Variants in CFAP54 observed in about 807,000 individuals in gnomAD.
CFAP54 encodes the protein cilia- and flagella-associated protein 54.
Under a neutral mutation model 370.4 loss-of-function variants are expected in CFAP54, and 290 were observed. The observed-to-expected ratio is 0.78, with a 90% CI of 0.71 to 0.86. The LOEUF is 0.86. Ranked by LOEUF, CFAP54 falls within the 40% of genes least tolerant of loss-of-function variation. The probability of loss-of-function intolerance (pLI) is 0.00; values close to 1 mark genes in which losing one functional copy is unlikely to be tolerated. For missense variants in CFAP54, 3,399 were observed against 3,528.7 expected, an observed-to-expected ratio of 0.96 and a Z score of 0.93; for synonymous variants, 1,206 against 1,236.5, an observed-to-expected ratio of 0.98 and a Z score of 0.52.
At position 96,580,708 on chromosome 12, in the gene CFAP54, C is replaced by G; in HGVS notation, c.2889+19C>G. On this transcript the variant is annotated intron_variant, in intron 21 of 67. Transcript: ENST00000524981. ...AGAAGCGGTACGTCAAATTAAACAT[C>G]AGGAAATCTTACTGAAGCCTTTAAT... 1 of 1,417,458 alleles carries G rather than the reference C, an allele frequency of 7.1e-7. No individual in the cohort carries two copies. The highest frequency in any genetic ancestry group is 1.3e-5 in the South Asian group (1 of 76,222). The allele number at this position is 1,417,458 out of a possible 1,614,324, so 87.8% of individuals were successfully genotyped here.
intron 58 of CFAP54, among the ~76,000 whole-genome samples, chr12:96,761,366 T>C (rs1958335006): frequency 6.6e-6 from 1 of 152,192 alleles, no homozygotes; most frequent in African/African-American, 2.4e-5. Flanking sequence ...AATATATGTA[T>C]TCTAGATACA....
intron 35 of CFAP54, 46 bp from the exon 36 acceptor site, chr12:96,651,514 GAAAAAGATGAAGTTGTTCAGAGATCTGT>G: frequency 8.2e-7 from 1 of 1,215,832 alleles, no homozygotes; most frequent in Non-Finnish European, 1.2e-6. Context: ...ATAATATTTG[GAAAAAGATGAAGTTGTTCAGAGATCTGT>G]AACTTTTGGA....
At chr12:96,727,505 C>G (rs373321016) in intron 50 of CFAP54, among the ~76,000 whole-genome samples, 32,531 of 138,094 alleles carry the variant, frequency 0.24, 3,980 homozygotes, top group South Asian at 0.27. Flanking sequence ...CAACCCCTGC[C>G]TTTTTTAGTT....
intron 58 of CFAP54, among the ~76,000 whole-genome samples, chr12:96,759,799 T>C (rs1044506103): frequency 6.6e-5 from 10 of 152,322 alleles, no homozygotes; most frequent in Middle Eastern, 3.4e-3. Flanking sequence ...CCTTACCTCT[T>C]AGAGTGGCTC....
At chr12:96,531,715 T>C (rs1411353484) in intron 9 of CFAP54, among the ~76,000 whole-genome samples, 3 of 152,194 alleles carry the variant, frequency 2.0e-5, no homozygotes, top group African/African-American at 7.2e-5. Flanking sequence ...TGATATACTT[T>C]TTTGTTATTT....
In CFAP54 at chr12:96,592,531, T is replaced by C. The variant is rs1037588815; in HGVS notation, c.3254T>C (p.Leu1085Ser). 2.1e-5 allele frequency: 21 copies of C among 987,776 alleles called. No individual in the cohort carries two copies. Among genetic ancestry groups the C allele is most frequent in the Non-Finnish European group, 2.9e-5 (20 of 685,900 alleles). 61.2% of individuals were successfully genotyped at this position (987,776 alleles called of 1,614,324 possible). Reference protein sequence around the residue: ...DILAETSSILLYLFLRNIFVT... With the variant: ...DILAETSSILSYLFLRNIFVT... ...TTGGCAGAGACTTCTTCAATCCTCT[T>C]GTACCTTTTTCTTAGAAATATTTTT... Residue 1085 changes from leucine to serine, a missense_variant, in exon 24 of 68, where the codon TTG (leucine) becomes TCG (serine). Physicochemically the swap from Leu to Ser is moderately radical, Grantham distance 145. Coordinates refer to ENST00000524981, the MANE Select transcript of CFAP54 (RefSeq NM_001306084.2).
chr12:96,698,330 A>T (rs1432223801), intron 45 of CFAP54, among the ~76,000 whole-genome samples: 1 of 152,202 alleles, frequency 6.6e-6, no homozygotes, highest in African/African-American at 2.4e-5. Flanking sequence ...AATATTTTAA[A>T]ATATATGTAT....
chr12:96,779,580 C>G (rs951741912), intron 60 of CFAP54, among the ~76,000 whole-genome samples: 2 of 149,574 alleles, frequency 1.3e-5, no homozygotes, highest in Non-Finnish European at 2.9e-5. Flanking sequence ...AAGAAGACCA[C>G]TTAATCTTAA....
At chr12:96,829,249 G>T (rs1352339108) in intron 66 of CFAP54, among the ~76,000 whole-genome samples, 161 bp downstream of exon 66, 1 of 151,942 alleles carries the variant, frequency 6.6e-6, no homozygotes, top group Admixed American at 6.6e-5. Flanking sequence ...CATTATTTTG[G>T]TTAAAAAAAT....
intron 25 of CFAP54, 93 bp from the exon 26 acceptor site, chr12:96,598,552 C>G: frequency 2.3e-6 from 1 of 441,104 alleles, no homozygotes; most frequent in Non-Finnish European, 4.0e-6. Context: ...AATTTTATGT[C>G]TTAAAGCTTG....
intron 55 of CFAP54, among the ~76,000 whole-genome samples, chr12:96,750,674 G>C (rs1056464398): frequency 6.6e-6 from 1 of 152,082 alleles, no homozygotes. Context: ...GTGTTAAATT[G>C]TACAGATTGT....
In CFAP54 at chr12:96,594,227, C is replaced by T. The variant is rs1339055992; in HGVS notation, c.3361-64C>T. The T allele has an allele frequency of 7.8e-6, 9 of 1,160,326 alleles. No individual in the cohort carries two copies. The Admixed American group carries it at 2.3e-4, about 29-fold the overall frequency. The allele number at this position is 1,160,326 out of a possible 1,614,324, so 71.9% of individuals were successfully genotyped here. ...AAGGATCACATTTTCTACCCATTCTCCGTAGAGACACATACGCTAAGCACC... is the reference window on the plus strand; with the variant it reads ...AAGGATCACATTTTCTACCCATTCTTCGTAGAGACACATACGCTAAGCACC... On this transcript the variant is annotated intron_variant, in intron 24 of 67. Coordinates refer to ENST00000524981, the MANE Select transcript of CFAP54 (RefSeq NM_001306084.2).
chr12:96,650,127 C>A, intron 35 of CFAP54, 55 bp downstream of exon 35: 1 of 1,427,268 alleles, frequency 7.0e-7, no homozygotes, highest in Non-Finnish European at 9.5e-7. Flanking sequence ...AGCCCACCAA[C>A]TTGGGCGTTT....
At chr12:96,556,259 T>C (rs11835917) in intron 17 of CFAP54, among the ~76,000 whole-genome samples, 8,825 of 151,806 alleles carry the variant, frequency 0.058, 618 homozygotes, top group African/African-American at 0.16. Flanking sequence ...AATACATTAA[T>C]ACATTTGGCT....
intron 45 of CFAP54, among the ~76,000 whole-genome samples, chr12:96,695,020 CA>C (rs898291231): frequency 2.0e-5 from 3 of 149,116 alleles, no homozygotes; most frequent in African/African-American, 4.9e-5. Flanking sequence ...GACTCCGTGT[CA>C]AAAAAAACAA....
At chr12:96,588,272 T>C (rs1295517147) in intron 22 of CFAP54, among the ~76,000 whole-genome samples, 1 of 152,184 alleles carries the variant, frequency 6.6e-6, no homozygotes. Context: ...ACTGGACCTT[T>C]TGGAGATTCT....
intron 36 of CFAP54, among the ~76,000 whole-genome samples, chr12:96,655,140 G>T (rs370299731): frequency 1.3e-5 from 2 of 151,048 alleles, no homozygotes; most frequent in East Asian, 3.9e-4. Context: ...CCTAAAGAGA[G>T]AAATATATCA....
chr12:96,817,587 A>AT (rs1958990289), intron 64 of CFAP54, among the ~76,000 whole-genome samples, 188 bp from the exon 65 acceptor site: 1 of 149,538 alleles, frequency 6.7e-6, no homozygotes, highest in African/African-American at 2.5e-5. Flanking sequence ...CACCTGGCTA[A>AT]TTTTTTATAT....
In CFAP54 at chr12:96,697,214, T is replaced by C. The variant is rs145577538; in HGVS notation, c.6352-2757T>C. Reference sequence around the variant, plus strand: ...AAATATATGTCCATTATTTACCCAATTGATTTTTCAAATGGTCAGATTGGT... The same window carrying C: ...AAATATATGTCCATTATTTACCCAACTGATTTTTCAAATGGTCAGATTGGT... On this transcript the variant is annotated intron_variant, in intron 45 of 67. Coordinates refer to ENST00000524981, the MANE Select transcript of CFAP54 (RefSeq NM_001306084.2). Among the ~76,000 whole-genome samples, 25 of 152,314 alleles carry C rather than the reference T, an allele frequency of 1.6e-4. No homozygotes were observed. The East Asian group carries it at 3.5e-3, about 21-fold the overall frequency.
Sources: gnomAD v4.1 joint callset for allele counts (sites outside exome capture counted in the v4.1 genomes callset) on GRCh38, gnomAD v4.1.1 for gene constraint, MANE v1.5 for transcripts, NCBI Gene and HGNC (gene_info 2026-07-23, HGNC 2026-07-21) for gene names.